MKX: variants seen among roughly 807,000 people sequenced by gnomAD.
MKX encodes the protein homeobox protein Mohawk.
In MKX, 13 loss-of-function variants were observed where a neutral mutation model predicts 36.0. The ratio of observed to expected loss-of-function variants is 0.36; its 90% confidence interval spans 0.24 to 0.57. MKX has a LOEUF of 0.57. Ranked by LOEUF, MKX falls within the 20% of genes least tolerant of loss-of-function variation. The pLI is 0.79. For missense variants in MKX, 458 were observed against 456.4 expected (o/e 1.00, Z -0.03); for synonymous variants, 176 against 178.3 (o/e 0.99, Z 0.10).
intron 5 of MKX, among the ~76,000 whole-genome samples, chr10:27,684,656 C>T (rs1836310989): frequency 6.6e-6 from 1 of 152,170 alleles, no homozygotes; most frequent in Non-Finnish European, 1.5e-5. Flanking sequence ...TGGATTTTGC[C>T]TGTGAAATAG....
intron 5 of MKX, among the ~76,000 whole-genome samples, chr10:27,694,237 TAAAC>T (rs1836505770): frequency 2.0e-5 from 3 of 151,962 alleles, no homozygotes; most frequent in Non-Finnish European, 1.5e-5. Flanking sequence ...AGTTTTAAAA[TAAAC>T]AACAGAAATA....
intron 5 of MKX, among the ~76,000 whole-genome samples, chr10:27,732,172 C>T (rs541065409): frequency 4.6e-5 from 7 of 152,030 alleles, no homozygotes; most frequent in Admixed American, 1.3e-4. Flanking sequence ...AGTAGGATAA[C>T]GTTTACATTT....
chr10:27,711,419 TC>T, intron 5 of MKX, among the ~76,000 whole-genome samples: 1 of 149,770 alleles, frequency 6.7e-6, no homozygotes, highest in Non-Finnish European at 1.5e-5. Flanking sequence ...CTTCTTTCTT[TC>T]TTTCTTTTCT....
chr10:27,740,930 C>T (rs1834878578), intron 3 of MKX, among the ~76,000 whole-genome samples: 2 of 152,112 alleles, frequency 1.3e-5, no homozygotes, highest in African/African-American at 4.8e-5. Flanking sequence ...CTGCGTGGTT[C>T]TCAAAGTGGG....
intron 5 of MKX, among the ~76,000 whole-genome samples, chr10:27,733,944 C>A (rs968555082): frequency 6.6e-6 from 1 of 152,166 alleles, no homozygotes; most frequent in South Asian, 2.1e-4. Context: ...TTCACAAAAG[C>A]TTGACACCCT....
intron 5 of MKX, among the ~76,000 whole-genome samples, chr10:27,697,863 G>C (rs1363360063): frequency 6.6e-6 from 1 of 152,190 alleles, no homozygotes; most frequent in Non-Finnish European, 1.5e-5. Context: ...CAGTGGTCAT[G>C]AAAATTGCTC....
In MKX at chr10:27,734,442, A is replaced by G. The variant is rs1332877143; in HGVS notation, c.838+14T>C. Reference sequence around the variant, plus strand: ...CAGGTATCGCAGGAATTACTACAGAAAGCACGGACTTACCTGTGCGATAGA... The same window carrying G: ...CAGGTATCGCAGGAATTACTACAGAGAGCACGGACTTACCTGTGCGATAGA... On this transcript the variant is annotated intron_variant, in intron 5 of 6. Transcript: ENST00000419761. The G allele has an allele frequency of 6.2e-6, 10 of 1,606,122 alleles. No homozygotes were observed. In the South Asian group the frequency reaches 1.1e-4, roughly 18 times the overall value.
intron 5 of MKX, among the ~76,000 whole-genome samples, chr10:27,713,758 A>G (rs575209478): frequency 6.6e-6 from 1 of 152,304 alleles, no homozygotes; most frequent in Non-Finnish European, 1.5e-5. Flanking sequence ...CTAATCTAAT[A>G]CCAGAATAGT....
At position 27,744,315 on chromosome 10, in the gene MKX, G is replaced by A. The variant is rs923793087; in HGVS notation, c.-82-818C>T. Among the ~76,000 whole-genome samples the A allele has an allele frequency of 6.6e-6, 1 of 152,030 alleles. No homozygotes were observed. The highest frequency in any genetic ancestry group is 1.9e-4 in the East Asian group (1 of 5,156). Reference sequence around the variant, plus strand: ...CAGCGCGGGTGTCAGCCGCGAGCTCGTAGCCCCTCGACACCCGCCTCTCTC... The same window carrying A: ...CAGCGCGGGTGTCAGCCGCGAGCTCATAGCCCCTCGACACCCGCCTCTCTC... On this transcript the variant is annotated intron_variant, in intron 1 of 6. Transcript: ENST00000419761. This position sits in a 1 kb window ranked among gnomAD's most constrained non-coding sequence, Gnocchi z 5.6.
chr10:27,726,727 T>TTA (rs9299862), intron 5 of MKX, among the ~76,000 whole-genome samples: 4 of 151,034 alleles, frequency 2.6e-5, no homozygotes, highest in African/African-American at 9.7e-5. Flanking sequence ...TTTTTTTTTT[T>TTA]ACTTTACATT....
chr10:27,715,966 C>T (rs542738784), intron 5 of MKX, among the ~76,000 whole-genome samples: 1 of 152,176 alleles, frequency 6.6e-6, no homozygotes, highest in South Asian at 2.1e-4. Flanking sequence ...CAAAAATAAA[C>T]TGCCATCTTT....
chr10:27,687,872 C>T (rs1448136011), intron 5 of MKX, among the ~76,000 whole-genome samples: 5 of 152,122 alleles, frequency 3.3e-5, no homozygotes, highest in East Asian at 3.9e-4. Context: ...TAAGTATTCT[C>T]GTTTCTATTC....
At chr10:27,696,128 AAG>A (rs1836549692) in intron 5 of MKX, among the ~76,000 whole-genome samples, 1 of 152,184 alleles carries the variant, frequency 6.6e-6, no homozygotes. Flanking sequence ...CTCAAACGGT[AAG>A]TTACACTGGA....
At chr10:27,735,852 G>C (rs1453018222) in intron 3 of MKX, among the ~76,000 whole-genome samples, 1 of 152,140 alleles carries the variant, frequency 6.6e-6, no homozygotes, top group African/African-American at 2.4e-5. Context: ...GAGGACACAG[G>C]AACAAATAGA....
intron 5 of MKX, among the ~76,000 whole-genome samples, chr10:27,701,368 T>TTATATA (rs60262269): frequency 4.1e-5 from 6 of 145,154 alleles, no homozygotes; most frequent in African/African-American, 1.3e-4. Context: ...AAAGATGATT[T>TTATATA]TATATATATA....
intron 5 of MKX, among the ~76,000 whole-genome samples, chr10:27,680,804 T>C (rs946013692): frequency 1.1e-4 from 17 of 152,294 alleles, no homozygotes; most frequent in Middle Eastern, 3.4e-3. Context: ...ATTATATATG[T>C]TTCCCTAAAT....
chr10:27,691,208 G>C (rs1345049362), intron 5 of MKX, among the ~76,000 whole-genome samples: 2 of 152,172 alleles, frequency 1.3e-5, no homozygotes, highest in African/African-American at 4.8e-5. Flanking sequence ...AGAAGAGAAT[G>C]AAATTGTCTG....
At chr10:27,683,899 T>A (rs1284597725) in intron 5 of MKX, among the ~76,000 whole-genome samples, 2 of 152,202 alleles carry the variant, frequency 1.3e-5, no homozygotes, top group Non-Finnish European at 2.9e-5. Context: ...TCCCCAGGGC[T>A]CCCTGCTCAC....
intron 5 of MKX, among the ~76,000 whole-genome samples, chr10:27,701,465 T>A (rs1836652835): frequency 6.8e-6 from 1 of 146,308 alleles, no homozygotes; most frequent in Non-Finnish European, 1.5e-5. Flanking sequence ...AGATTAAAAT[T>A]ATATATAAAA....
Sources: gnomAD v4.1 joint callset for allele counts (sites outside exome capture counted in the v4.1 genomes callset) on GRCh38, gnomAD v4.1.1 for gene constraint, Gnocchi (gnomAD v3.1) non-coding constraint, MANE v1.5 for transcripts, NCBI Gene and HGNC (gene_info 2026-07-23, HGNC 2026-07-21) for gene names.